Variants in ZFYVE28 observed in about 807,000 individuals in gnomAD.
The protein encoded by ZFYVE28 is lateral signaling target protein 2 homolog.
In ZFYVE28, 40 loss-of-function variants were observed where a neutral mutation model predicts 82.1. The ratio of observed to expected loss-of-function variants is 0.49; its 90% CI spans 0.38 to 0.63. The LOEUF (loss-of-function observed/expected upper bound fraction) is 0.63. ZFYVE28 is among the 30% of genes least tolerant of loss of function. ZFYVE28 has a pLI of 0.00. For synonymous variants in ZFYVE28, 612 were observed against 546.1 expected, an observed-to-expected ratio of 1.12 and a Z score of -1.68; for missense variants, 1,321 against 1,242.1, an observed-to-expected ratio of 1.06 and a Z score of -0.96.
At position 2,353,962 on chromosome 4, in the gene ZFYVE28, G is replaced by A; in HGVS notation, c.151C>T (p.Leu51=). ...CAGGAGCGGAACTGGCTGACCAGCA[G>A]CGTGCACCGCTGGGGGTCCTTCCGC... ...DGRKDPQRCT[L]LVSQFRSCQD... Residue 51 remains leucine, a synonymous_variant, in exon 2 of 13, where the codon CTG becomes TTG. Transcript: ENST00000290974. 5 of 1,568,312 alleles carry A rather than the reference G, an allele frequency of 3.2e-6. No homozygotes were observed. Among genetic ancestry groups the A allele is most frequent in the Non-Finnish European group, 3.5e-6 (4 of 1,157,342 alleles).
chr4:2,328,910 C>T (rs1720272674), intron 6 of ZFYVE28: 1 of 424,888 alleles, frequency 2.4e-6, no homozygotes, highest in Non-Finnish European at 4.2e-6. Flanking sequence ...GATCTTGGCC[C>T]CCTTGTCAAT....
intron 2 of ZFYVE28, among the ~76,000 whole-genome samples, chr4:2,351,575 A>G (rs1004803362): frequency 1.3e-5 from 2 of 152,160 alleles, no homozygotes; most frequent in Non-Finnish European, 2.9e-5. Context: ...TTAGCAGGGC[A>G]TGGTGGCGCA....
chr4:2,332,242 G>A lies in ZFYVE28; in HGVS notation c.701+3463C>T, dbSNP rs1365177039. Among the ~76,000 whole-genome samples, 3 of 152,144 alleles carry A rather than the reference G, an allele frequency of 2.0e-5. No homozygotes were observed. The highest frequency in any genetic ancestry group is 7.2e-5 in the African/African-American group (3 of 41,428). On this transcript the variant is annotated intron_variant, in intron 6 of 12. Transcript: ENST00000290974. This position sits in a 1 kb window ranked among gnomAD's most constrained non-coding sequence, Gnocchi z 4.7. ...GGGGTCACCTGGGGGGTCCCAGGAT[G>A]CCCACTTCACAGAGGCAGGATCCTG...
At chr4:2,381,957 C>T (rs1560313931) in intron 1 of ZFYVE28, among the ~76,000 whole-genome samples, 1 of 152,230 alleles carries the variant, frequency 6.6e-6, no homozygotes. Context: ...TGCCCTGTGT[C>T]CCAGCTGCTC....
At chr4:2,414,900 A>T (rs1035067200) in intron 1 of ZFYVE28, among the ~76,000 whole-genome samples, 3 of 152,216 alleles carry the variant, frequency 2.0e-5, no homozygotes, top group Admixed American at 6.5e-5. Flanking sequence ...CTAAAGCATA[A>T]ACTCTCTTGA....
intron 8 of ZFYVE28, among the ~76,000 whole-genome samples, chr4:2,293,616 A>C (rs12506553): frequency 2.6e-5 from 4 of 151,482 alleles, no homozygotes; most frequent in Non-Finnish European, 4.4e-5. Context: ...AGCTGGGCGT[A>C]GTGGCAGGCA....
chr4:2,289,546 T>A (rs116288378), intron 8 of ZFYVE28, among the ~76,000 whole-genome samples: 6,368 of 151,918 alleles, frequency 0.042, 182 homozygotes, highest in Non-Finnish European at 0.064. Flanking sequence ...CTCTGGAGGG[T>A]CAGGCAGGGG....
In ZFYVE28 at chr4:2,394,537, G is replaced by C. The variant is rs1341761890; in HGVS notation, c.39+23748C>G. Reference sequence around the variant, plus strand: ...CTCTTCACGGGGTGGTTGACCGCATGAGAAGGGTCATGAACCACAAGTTAT... The same window carrying C: ...CTCTTCACGGGGTGGTTGACCGCATCAGAAGGGTCATGAACCACAAGTTAT... On this transcript the variant is annotated intron_variant, in intron 1 of 12. Transcript: ENST00000290974. This position sits in a 1 kb window ranked among gnomAD's most constrained non-coding sequence, Gnocchi z 4.0. 6.6e-6 allele frequency among the ~76,000 whole-genome samples: 1 copy of C among 152,230 alleles called. No individual in the cohort carries two copies. Among genetic ancestry groups the C allele is most frequent in the Non-Finnish European group, 1.5e-5 (1 of 68,046 alleles).
chr4:2,296,306 G>C (rs1052637362), intron 8 of ZFYVE28, among the ~76,000 whole-genome samples: 1 of 152,158 alleles, frequency 6.6e-6, no homozygotes, highest in African/African-American at 2.4e-5. Flanking sequence ...AGGCATCACC[G>C]AGCTTGCTAA....
At chr4:2,386,850 G>A (rs1729306439) in intron 1 of ZFYVE28, among the ~76,000 whole-genome samples, 1 of 152,256 alleles carries the variant, frequency 6.6e-6, no homozygotes, top group Non-Finnish European at 1.5e-5. Flanking sequence ...CGCGCCTGCT[G>A]AGGCCATGCC....
intron 1 of ZFYVE28, among the ~76,000 whole-genome samples, chr4:2,407,554 T>C (rs112643400): frequency 8.9e-5 from 13 of 145,886 alleles, no homozygotes; most frequent in African/African-American, 2.2e-4. Flanking sequence ...TCTCTCCCCC[T>C]GTTTTCGCTC....
rs533541593 is a variant in ZFYVE28, at chr4:2,346,151, AC to A, written c.181-4537del. Among the ~76,000 whole-genome samples, 451 of 145,004 alleles carry A rather than the reference AC, an allele frequency of 3.1e-3. 11 individuals carry two copies. The highest frequency in any genetic ancestry group is 0.024 in the Admixed American group (345 of 14,118). On this transcript the variant is annotated intron_variant, in intron 2 of 12. Transcript: ENST00000290974. The stretch of plus-strand genomic sequence containing the variant: ...AGACCATCCTGGCTAATACGGTGAA[AC>A]CCCGTCTCTACTAAAAAAAAAAAAA...
chr4:2,313,863 A>AAAAAG (rs1717844225), intron 7 of ZFYVE28, among the ~76,000 whole-genome samples: 1 of 151,956 alleles, frequency 6.6e-6, no homozygotes, highest in African/African-American at 2.4e-5. Flanking sequence ...AAAAAAAAAA[A>AAAAAG]AAAAGAACGT....
chr4:2,306,196 G>C (rs1163644328), intron 7 of ZFYVE28, among the ~76,000 whole-genome samples: 1 of 152,268 alleles, frequency 6.6e-6, no homozygotes, highest in East Asian at 1.9e-4. Flanking sequence ...AGTTAATTCA[G>C]TGATGCTGAG....
rs1258468247 is a variant in ZFYVE28 at position 2,418,468 on chromosome 4, CG to C, written c.-146del. 1 of 568,578 alleles carries C rather than the reference CG, an allele frequency of 1.8e-6. No homozygotes were observed. Among genetic ancestry groups the C allele is most frequent in the Non-Finnish European group, 2.3e-6 (1 of 441,760 alleles). The allele number at this position is 568,578 out of a possible 1,614,324, so 35.2% of individuals were successfully genotyped here. On this transcript the variant is annotated 5_prime_UTR_variant, in exon 1 of 13. Coordinates refer to ENST00000290974, the MANE Select transcript of ZFYVE28 (RefSeq NM_020972.3). This position sits in a 1 kb window ranked among gnomAD's most constrained non-coding sequence, Gnocchi z 4.6. ...GGAGGCTGGCTAGCGAAGCCCGGAGCGCCGAGCGGGCGGCGGGCAGGTGCGC... is the reference window on the plus strand; with the variant it reads ...GGAGGCTGGCTAGCGAAGCCCGGAGCCCGAGCGGGCGGCGGGCAGGTGCGC...
At chr4:2,366,016 C>G (rs925323376) in intron 1 of ZFYVE28, among the ~76,000 whole-genome samples, 1 of 152,170 alleles carries the variant, frequency 6.6e-6, no homozygotes, top group Admixed American at 6.5e-5. Context: ...AAGATACAGC[C>G]GGCCTCACTG....
At position 2,402,339 on chromosome 4, in the gene ZFYVE28, C is replaced by T. The variant is rs565901927; in HGVS notation, c.39+15946G>A. ...CGGCCAGGCAAGCCGGCACCGCCCC[C>T]GCCATCAGACACCATCTCCCGCCCC... On this transcript the variant is annotated intron_variant, in intron 1 of 12. Coordinates refer to ENST00000290974, the MANE Select transcript of ZFYVE28 (RefSeq NM_020972.3). 4.1e-4 allele frequency among the ~76,000 whole-genome samples: 63 copies of T among 152,328 alleles called. 1 individual carries two copies. The East Asian group carries it at 4.8e-3, about 12-fold the overall frequency.
chr4:2,300,361 A>G lies in ZFYVE28; in HGVS notation c.2051+3928T>C, dbSNP rs1346317992. ...GAAAATAAGCTTTTAAAAAATGTCA[A>G]CTTCTCCAAAAGGATTCATTGACCA... On this transcript the variant is annotated intron_variant, in intron 8 of 12. Coordinates refer to ENST00000290974, the MANE Select transcript of ZFYVE28 (RefSeq NM_020972.3). The surrounding 1 kb of genome is among the most constrained non-coding windows in gnomAD (Gnocchi z 4.6). 6.6e-5 allele frequency among the ~76,000 whole-genome samples: 10 copies of G among 152,170 alleles called. No homozygotes were observed. The highest frequency in any genetic ancestry group is 2.2e-4 in the African/African-American group (9 of 41,438).
At chr4:2,399,924 C>T (rs781446080) in intron 1 of ZFYVE28, among the ~76,000 whole-genome samples, 6 of 152,252 alleles carry the variant, frequency 3.9e-5, no homozygotes, top group Non-Finnish European at 7.3e-5. Context: ...GCAGGGCGCC[C>T]ACCGTGGCCA....
Sources: allele counts gnomAD v4.1 joint callset (sites outside exome capture counted in the v4.1 genomes callset), GRCh38; gene constraint gnomAD v4.1.1; non-coding constraint Gnocchi (gnomAD v3.1); transcripts MANE v1.5; gene names NCBI Gene and HGNC (gene_info 2026-07-23, HGNC 2026-07-21).